Variants in APOB observed in about 807,000 individuals in gnomAD.
The protein encoded by APOB is apolipoprotein B.
Under a neutral mutation model 314.1 loss-of-function variants are expected in APOB, and 153 were observed. The observed-to-expected ratio is 0.49, with a 90% confidence interval of 0.43 to 0.56. The LOEUF is 0.56. Ranked by LOEUF, APOB falls within the 20% of genes least tolerant of loss-of-function variation. APOB has a pLI of 0.00. For missense variants in APOB, 5,430 were observed against 5,350.7 expected (o/e 1.01, Z -0.46); for synonymous variants, 2,087 against 2,036.4 (o/e 1.02, Z -0.67).
chr2:21,026,693 T>C (rs1327724232), intron 15 of APOB, 95 bp downstream of exon 15: 9 of 1,024,992 alleles, frequency 8.8e-6, no homozygotes, highest in Non-Finnish European at 1.4e-5. Flanking sequence ...TCCCTTCAGT[T>C]AGATAGTATT....
chr2:21,031,462 G>A (rs1663877502), intron 10 of APOB, among the ~76,000 whole-genome samples: 1 of 152,208 alleles, frequency 6.6e-6, no homozygotes, highest in Non-Finnish European at 1.5e-5. Context: ...TGTGGAAGTG[G>A]AGGGAGATGG....
At chr2:21,024,627 TA>T in intron 16 of APOB, 1 of 521,560 alleles carries the variant, frequency 1.9e-6, no homozygotes, top group Non-Finnish European at 3.4e-6. Context: ...ATTAAAAAAA[TA>T]AAAATAAAAA....
intron 14 of APOB, 137 bp downstream of exon 14, chr2:21,027,691 G>A (rs1663767125): frequency 1.3e-6 from 1 of 755,626 alleles, no homozygotes; most frequent in Non-Finnish European, 2.4e-6. Context: ...AGGAGGGAAA[G>A]AAGAAAGCCT....
At chr2:21,040,872 A>G in intron 4 of APOB, 66 bp downstream of exon 4, 1 of 1,584,218 alleles carries the variant, frequency 6.3e-7, no homozygotes, top group Non-Finnish European at 8.6e-7. Context: ...TGCCTGGTGC[A>G]AACACACAAG....
chr2:21,017,488 T>A (rs915780339), intron 20 of APOB, among the ~76,000 whole-genome samples: 1 of 152,126 alleles, frequency 6.6e-6, no homozygotes, highest in Non-Finnish European at 1.5e-5. Context: ...GAGACCAGAA[T>A]GAAAAGAGGT....
rs766724697 is a variant in APOB, at chr2:21,035,704, C to T, written c.698G>A (p.Arg233His). 105 of 1,613,804 alleles carry T rather than the reference C, an allele frequency of 6.5e-5. 2 individuals are homozygous for T. In the South Asian group the frequency reaches 7.5e-4, roughly 11 times the overall value. ...SPLALIKGMT[R>H]PLSTLISSSQ... ...GCTGCTGATCAGAGTTGACAAGGGG[C>T]GGGTCTATGAAAGAGATTGGAGACG... The change falls in exon 7 of 29, where the codon CGC becomes CAC. Residue 233 changes from arginine to histidine, a missense_variant. By Grantham distance (29) the Arg-to-His change is conservative (BLOSUM62 0). This residue lies in a region of APOB where 2,085 missense variants were observed against 2,079.7 expected (regional missense o/e 1.00). Transcript: ENST00000233242.
At chr2:21,019,253 A>G in intron 19 of APOB, 140 bp from the exon 20 acceptor site, 1 of 1,134,568 alleles carries the variant, frequency 8.8e-7, no homozygotes, top group Non-Finnish European at 1.3e-6. Flanking sequence ...AACTAAGATG[A>G]TCTTTTTGAT....
chr2:21,008,707 A>G lies in APOB; in HGVS notation c.8161T>C (p.Phe2721Leu), dbSNP rs766692105. Residue 2721 changes from phenylalanine (F) to leucine (L), a missense_variant, in exon 26 of 29, where the codon TTC becomes CTC. Physicochemically the swap from Phe to Leu is conservative, Grantham distance 22. Around this residue, in one of 3 missense-constraint regions of APOB, gnomAD observed 3,281 missense variants for 3,171.0 expected, o/e 1.03. Transcript: ENST00000233242. ...TTAAGGTTGAGAGTTGGGATTATGA[A>G]TTCTGGAATTGCGATTTCTGGTAAA... ...FRLPEIAIPE[F>L]IIPTLNLNDF... The G allele has an allele frequency of 4.3e-6, 7 of 1,613,972 alleles. No homozygotes were observed. Among genetic ancestry groups the G allele is most frequent in the Non-Finnish European group, 5.9e-6 (7 of 1,179,982 alleles).
intron 7 of APOB, among the ~76,000 whole-genome samples, 166 bp from the exon 8 acceptor site, chr2:21,035,067 T>C (rs973418771): frequency 6.6e-6 from 1 of 152,230 alleles, no homozygotes; most frequent in Non-Finnish European, 1.5e-5. Context: ...CACCTCTTCC[T>C]GGTCACGCTA....
chr2:21,040,568 C>T (rs142220022), intron 4 of APOB, among the ~76,000 whole-genome samples: 29 of 152,264 alleles, frequency 1.9e-4, no homozygotes, highest in African/African-American at 4.1e-4. Context: ...GACCCTGCCC[C>T]GCCATGTGCC....
chr2:21,002,135 G>A lies in APOB; in HGVS notation c.13287C>T (p.Ala4429=), dbSNP rs1662997831. The change falls in exon 29 of 29, where the codon GCC becomes GCT. Residue 4429 remains alanine, a synonymous_variant. Transcript: ENST00000233242. ...TTGAGAGTTGGGAAGTAAAGTTAGAGGCACTGACAATATATTCAGAATGGA... is the reference window on the plus strand; with the variant it reads ...TTGAGAGTTGGGAAGTAAAGTTAGAAGCACTGACAATATATTCAGAATGGA... ...KDFHSEYIVS[A]SNFTSQLSSQ... 6.2e-7 allele frequency: 1 copy of A among 1,613,964 alleles called. No individual in the cohort carries two copies. The highest frequency in any genetic ancestry group is 8.5e-7 in the Non-Finnish European group (1 of 1,179,980).
chr2:21,043,291 G>T (rs560285939), intron 2 of APOB, among the ~76,000 whole-genome samples: 1 of 151,422 alleles, frequency 6.6e-6, no homozygotes, highest in South Asian at 2.1e-4. Flanking sequence ...TCCCTCCCCC[G>T]CCCCCAGGCT....
chr2:21,026,648 A>T, intron 15 of APOB, 140 bp downstream of exon 15: 1 of 740,088 alleles, frequency 1.4e-6, no homozygotes, highest in East Asian at 2.6e-5. Flanking sequence ...ACTGGCCCTT[A>T]CCCCAGCAGG....
At position 21,001,536 on chromosome 2, in the gene APOB, G is replaced by A. The variant is rs914020679; in HGVS notation, c.*194C>T. The A allele has an allele frequency of 4.6e-5, 27 of 581,548 alleles. No homozygotes were observed. In the East Asian group the frequency reaches 7.9e-4, roughly 17 times the overall value. The allele number at this position is 581,548 out of a possible 1,614,324, so 36.0% of individuals were successfully genotyped here. A position where few individuals can be genotyped will look rare whatever the true frequency, so the allele number is the denominator to read the frequency against. On this transcript the variant is annotated 3_prime_UTR_variant, in exon 29 of 29. Transcript: ENST00000233242. ...CTTGCAAAAAATGCCATCCTTCTGA[G>A]TTCAGAGACCTTCCGAGCCCTGGTG...
intron 4 of APOB, 93 bp from the exon 5 acceptor site, chr2:21,038,204 T>A (rs1226365691): frequency 1.5e-6 from 2 of 1,346,082 alleles, no homozygotes; most frequent in Non-Finnish European, 2.1e-6. Flanking sequence ...TTTTCTCATA[T>A]TTTTTTAACC....
At position 21,027,306 on chromosome 2, in the gene APOB, A is replaced by ATTTTTTT. The variant is rs71391771; in HGVS notation, c.2068-349_2068-343dup. On this transcript the variant is annotated intron_variant, in intron 14 of 28. Transcript: ENST00000233242. ...TTAAAGACGAGACATTTGCATTTCA[A>ATTTTTTT]TTTTTTTTTTTTTTTTTTTTTTTGA... Among the ~76,000 whole-genome samples, 88 of 105,864 alleles carry ATTTTTTT rather than the reference A, an allele frequency of 8.3e-4. 1 individual carries two copies. The highest frequency in any genetic ancestry group is 1.4e-3 in the Non-Finnish European group (74 of 53,900). 69.5% of individuals were successfully genotyped at this position (105,864 alleles called of 152,430 possible). A position where few individuals can be genotyped will look rare whatever the true frequency, so the allele number is the denominator to read the frequency against.
chr2:21,028,547 A>G lies in APOB; in HGVS notation c.1618-9T>C. 6.3e-7 allele frequency: 1 copy of G among 1,595,868 alleles called. No homozygotes were observed. Among genetic ancestry groups the G allele is most frequent in the Non-Finnish European group, 8.6e-7 (1 of 1,167,276 alleles). ...AGAAGAACCTCCTGGTCCTGCAGTC[A>G]AAAGAGGAGATGGTTATCACTGTCC... On this transcript the variant is annotated splice_polypyrimidine_tract_variant and intron_variant, in intron 12 of 28. Coordinates refer to ENST00000233242, the MANE Select transcript of APOB (RefSeq NM_000384.3).
At chr2:21,016,898 G>T (rs953666080) in intron 20 of APOB, among the ~76,000 whole-genome samples, 3 of 151,732 alleles carry the variant, frequency 2.0e-5, no homozygotes, top group African/African-American at 7.3e-5. Flanking sequence ...GCAGGAGAAT[G>T]GCATGAACCC....
chr2:21,028,218 C>A, intron 13 of APOB, 109 bp downstream of exon 13: 10 of 1,181,478 alleles, frequency 8.5e-6, no homozygotes, highest in South Asian at 2.5e-5. Flanking sequence ...CACATTTGCA[C>A]AAGTGTTTGT....
Sources: allele counts gnomAD v4.1 joint callset (sites outside exome capture counted in the v4.1 genomes callset), GRCh38; gene constraint gnomAD v4.1.1; regional missense constraint gnomAD v4.1.1; transcripts MANE v1.5; gene names NCBI Gene and HGNC (gene_info 2026-07-23, HGNC 2026-07-21).